The following CDH12 variants were observed in gnomAD, a reference collection of about 807,000 sequenced individuals.
CDH12 encodes cadherin 12.
In CDH12, 41 loss-of-function variants were observed where a neutral mutation model predicts 74.1. That is an observed-to-expected ratio of 0.55 (90% CI 0.43 to 0.72). The LOEUF is 0.72. CDH12 is among the 30% of genes least tolerant of loss of function. The pLI is 0.00. For synonymous variants in CDH12, 399 were observed against 355.0 expected (o/e 1.12, Z -1.39); for missense variants, 945 against 977.2 (o/e 0.97, Z 0.44).
intron 1 of CDH12, among the ~76,000 whole-genome samples, chr5:22,791,861 C>T (rs111795260): frequency 2.0e-5 from 3 of 152,272 alleles, no homozygotes; most frequent in African/African-American, 4.8e-5. Flanking sequence ...ATCCAATCAC[C>T]TCCCACAAGG....
chr5:22,099,652 C>T (rs1234424309), intron 4 of CDH12, among the ~76,000 whole-genome samples: 2 of 152,142 alleles, frequency 1.3e-5, no homozygotes, highest in Non-Finnish European at 2.9e-5. Context: ...CTTGTTTACA[C>T]TGCCGGTTTA....
chr5:22,653,111 T>C (rs906388962), intron 1 of CDH12, among the ~76,000 whole-genome samples: 4 of 152,278 alleles, frequency 2.6e-5, no homozygotes, highest in African/African-American at 9.6e-5. Flanking sequence ...TTTATTAATA[T>C]ATCCTATCAA....
chr5:22,824,774 G>T (rs1275881421), intron 1 of CDH12, among the ~76,000 whole-genome samples: 1 of 151,758 alleles, frequency 6.6e-6, no homozygotes, highest in African/African-American at 2.4e-5. Context: ...AGCAGTTACA[G>T]TCTAAGATTG....
chr5:22,693,244 T>C (rs1021531346), intron 1 of CDH12, among the ~76,000 whole-genome samples: 4 of 152,244 alleles, frequency 2.6e-5, no homozygotes, highest in African/African-American at 9.6e-5. Context: ...TTTGTCTTTA[T>C]TCATTTATTC....
chr5:22,332,507 C>G (rs1739392222), intron 3 of CDH12, among the ~76,000 whole-genome samples: 1 of 152,084 alleles, frequency 6.6e-6, no homozygotes, highest in Non-Finnish European at 1.5e-5. Flanking sequence ...GCAAAAAGAA[C>G]TAACATCAGA....
intron 3 of CDH12, among the ~76,000 whole-genome samples, chr5:22,302,250 CACAT>C (rs1580500078): frequency 1.3e-5 from 2 of 152,170 alleles, no homozygotes; most frequent in Admixed American, 6.5e-5. Flanking sequence ...CACACACAGA[CACAT>C]GCATGTACAT....
At chr5:22,833,742 G>A (rs1581046413) in intron 1 of CDH12, among the ~76,000 whole-genome samples, 2 of 152,186 alleles carry the variant, frequency 1.3e-5, no homozygotes, top group East Asian at 3.9e-4. Context: ...TAATCATAAT[G>A]TATAATATTG....
At chr5:21,805,207 T>C (rs1020339505) in intron 9 of CDH12, among the ~76,000 whole-genome samples, 14 of 152,160 alleles carry the variant, frequency 9.2e-5, no homozygotes, top group African/African-American at 3.4e-4. Flanking sequence ...CTTTCTCATA[T>C]GTTGAAGTAC....
At chr5:22,637,544 A>G (rs1166177116) in intron 1 of CDH12, among the ~76,000 whole-genome samples, 1 of 152,258 alleles carries the variant, frequency 6.6e-6, no homozygotes, top group Admixed American at 6.5e-5. Context: ...TTTCACAGGC[A>G]GGGAATAAAA....
rs1251862353 is a variant in CDH12 at position 21,802,353 on chromosome 5, T to A, written c.1070A>T (p.His357Leu). 6.2e-7 allele frequency: 1 copy of A among 1,613,696 alleles called. No homozygotes were observed. Among genetic ancestry groups the A allele is most frequent in the Admixed American group, 1.7e-5 (1 of 59,980 alleles). The change falls in exon 10 of 15, where the codon CAC (histidine) becomes CTC (leucine). Residue 357 changes from histidine (H) to leucine (L), a missense_variant. Physicochemically the swap from His to Leu is moderately conservative, Grantham distance 99. Transcript: ENST00000382254. The part of the protein sequence containing the change: ...KVEASNLHLD[H>L]RFHSAGPFKD... Reference sequence around the variant, plus strand: ...GAAAGGGCCCGCCGAGTGAAACCGGTGGTCAAGGTGAAGGTTGGAAGCCTC... The same window carrying A: ...GAAAGGGCCCGCCGAGTGAAACCGGAGGTCAAGGTGAAGGTTGGAAGCCTC...
chr5:21,908,902 G>T (rs16888800), intron 6 of CDH12, among the ~76,000 whole-genome samples: 23,868 of 152,034 alleles, frequency 0.16, 2,158 homozygotes, highest in African/African-American at 0.24. Context: ...TGATAGCAGG[G>T]TACGCATGAG....
Position 22,757,457 on chromosome 5 carries a change from T to G in CDH12, c.-523+95601A>C, listed in dbSNP as rs147105302. ...AATATTTCATTTTGATATAAACTAG[T>G]AATGGTTAGTTATATATAGTATAAA... is the stretch of plus-strand genomic sequence containing the variant. On this transcript the variant is annotated intron_variant, in intron 1 of 14. Coordinates refer to ENST00000382254, the MANE Select transcript of CDH12 (RefSeq NM_004061.5). 3.3e-3 allele frequency among the ~76,000 whole-genome samples: 501 copies of G among 152,280 alleles called. 4 individuals are homozygous for G. The highest frequency in any genetic ancestry group is 0.011 in the African/African-American group (452 of 41,570).
intron 3 of CDH12, among the ~76,000 whole-genome samples, chr5:22,261,674 C>A (rs879775002): frequency 2.0e-5 from 3 of 151,304 alleles, no homozygotes; most frequent in Non-Finnish European, 4.4e-5. Context: ...AGTATTCCCC[C>A]AAAATAATAA....
intron 3 of CDH12, among the ~76,000 whole-genome samples, chr5:22,351,970 CAG>C (rs977084581): frequency 1.3e-5 from 2 of 152,084 alleles, no homozygotes; most frequent in African/African-American, 2.4e-5. Context: ...TTTGAGGAAA[CAG>C]AATAAATTTT....
chr5:21,884,265 G>A (rs1362337040), intron 6 of CDH12: 2 of 1,471,012 alleles, frequency 1.4e-6, no homozygotes, highest in African/African-American at 2.8e-5. Context: ...CCCTGGAATG[G>A]GTGCAATGGG....
intron 3 of CDH12, among the ~76,000 whole-genome samples, chr5:22,362,177 C>A (rs1339354594): frequency 1.3e-5 from 2 of 152,106 alleles, no homozygotes; most frequent in South Asian, 2.1e-4. Context: ...TTGCAATCTA[C>A]TCATCTGACA....
At chr5:22,282,095 C>T (rs1426625062) in intron 3 of CDH12, among the ~76,000 whole-genome samples, 1 of 152,078 alleles carries the variant, frequency 6.6e-6, no homozygotes, top group South Asian at 2.1e-4. Flanking sequence ...TAACACCATG[C>T]ATCTACAACC....
chr5:22,499,941 G>T (rs953422249), intron 2 of CDH12, among the ~76,000 whole-genome samples: 1 of 152,216 alleles, frequency 6.6e-6, no homozygotes, highest in Non-Finnish European at 1.5e-5. Flanking sequence ...ATCATTGCCA[G>T]GGGATATTTA....
chr5:22,343,620 G>C (rs1739989534), intron 3 of CDH12, among the ~76,000 whole-genome samples: 1 of 151,970 alleles, frequency 6.6e-6, no homozygotes, highest in African/African-American at 2.4e-5. Context: ...GGGTTTCACT[G>C]TGTTAGCCAG....
Sources: allele counts gnomAD v4.1 joint callset (sites outside exome capture counted in the v4.1 genomes callset), GRCh38; gene constraint gnomAD v4.1.1; transcripts MANE v1.5; gene names NCBI Gene and HGNC (gene_info 2026-07-23, HGNC 2026-07-21).